The following CNKSR3 variants were observed in gnomAD, a reference collection of about 807,000 sequenced individuals.
CNKSR3 encodes the protein connector enhancer of kinase suppressor of ras 3.
A neutral mutation model predicts 67.7 loss-of-function variants in CNKSR3; 36 were observed. The observed-to-expected ratio is 0.53, with a 90% CI of 0.41 to 0.70. The LOEUF is 0.70. Among genes scored for constraint, CNKSR3 ranks in the 30% least tolerant of loss-of-function variants. CNKSR3 has a pLI of 0.00. For missense variants in CNKSR3, 630 were observed against 695.2 expected (o/e 0.91, Z 1.05); for synonymous variants, 281 against 271.4 (o/e 1.04, Z -0.35).
rs755190146 is a variant in CNKSR3 at position 154,469,915 on chromosome 6, A to C, written c.53-19657T>G. Among the ~76,000 whole-genome samples, 52 of 152,190 alleles carry C rather than the reference A, an allele frequency of 3.4e-4. 1 individual carries two copies. Among genetic ancestry groups the C allele is most frequent in the Middle Eastern group, 3.2e-3 (1 of 316 alleles). On this transcript the variant is annotated intron_variant, in intron 1 of 12. Coordinates refer to ENST00000607772, the MANE Select transcript of CNKSR3 (RefSeq NM_173515.4). ...ATTTATATCTACATATATTTTATGC[A>C]TTCATGACATACCTTTTTCTTAATT... is the stretch of plus-strand genomic sequence containing the variant.
At chr6:154,445,491 G>A (rs765733404) in intron 2 of CNKSR3, among the ~76,000 whole-genome samples, 35 of 152,222 alleles carry the variant, frequency 2.3e-4, no homozygotes, top group Admixed American at 3.9e-4. Flanking sequence ...CCCCTCATTC[G>A]GTCACTCAGC....
At chr6:154,480,059 G>C (rs1214386230) in intron 1 of CNKSR3, among the ~76,000 whole-genome samples, 2 of 152,204 alleles carry the variant, frequency 1.3e-5, no homozygotes, top group Admixed American at 1.3e-4. Context: ...AAACTTTCTC[G>C]TTGTTGGCTG....
chr6:154,428,172 A>T lies in CNKSR3; in HGVS notation c.685T>A (p.Ser229Thr). 1 of 1,609,506 alleles carries T rather than the reference A, an allele frequency of 6.2e-7. No homozygotes were observed. The highest frequency in any genetic ancestry group is 8.5e-7 in the Non-Finnish European group (1 of 1,175,812). The change falls in exon 7 of 13, where the codon TCA (serine) becomes ACA (threonine). Residue 229 changes from serine to threonine, a missense_variant. Around this residue, in one of 3 missense-constraint regions of CNKSR3, gnomAD observed 133 missense variants for 190.6 expected, o/e 0.70. Transcript: ENST00000607772. ...ATCACGTGTAACCCATCATAGGTTG[A>T]TTTGATGTACATGCCCTGGAGTGAA... Reference protein sequence around the residue: ...PGEGLGMYIKSTYDGLHVITG... With the variant: ...PGEGLGMYIKTTYDGLHVITG...
At chr6:154,467,306 T>C (rs1786224660) in intron 1 of CNKSR3, among the ~76,000 whole-genome samples, 1 of 152,150 alleles carries the variant, frequency 6.6e-6, no homozygotes, top group South Asian at 2.1e-4. Context: ...CCTAAAAGAA[T>C]GACACTTTCC....
intron 1 of CNKSR3, among the ~76,000 whole-genome samples, chr6:154,455,372 G>T (rs1431420271): frequency 6.6e-6 from 1 of 152,092 alleles, no homozygotes; most frequent in Non-Finnish European, 1.5e-5. Context: ...AACATTGCTG[G>T]TGTTCAATAA....
Position 154,441,740 on chromosome 6 carries a change from T to TAAAA in CNKSR3, c.419+344_419+347dup, listed in dbSNP as rs763503416. On this transcript the variant is annotated intron_variant, in intron 3 of 12. Transcript: ENST00000607772. ...GAATAGAAAGAGAGAAGGAATAGAT[T>TAAAA]AAAAACAAAACAAAACAAAAATTGA... Among the ~76,000 whole-genome samples, 12 of 149,532 alleles carry TAAAA rather than the reference T, an allele frequency of 8.0e-5. No individual in the cohort carries two copies. The East Asian group carries it at 1.8e-3, about 22-fold the overall frequency.
intron 1 of CNKSR3, among the ~76,000 whole-genome samples, chr6:154,483,656 A>C (rs958995711): frequency 1.3e-5 from 2 of 152,110 alleles, no homozygotes; most frequent in East Asian, 1.9e-4. Flanking sequence ...TTTATTTTTA[A>C]AATACTTTAC....
chr6:154,433,046 T>C (rs190069236), intron 5 of CNKSR3, among the ~76,000 whole-genome samples: 6 of 152,290 alleles, frequency 3.9e-5, no homozygotes, highest in Admixed American at 1.3e-4. Flanking sequence ...GAAGTGATGA[T>C]GAATAGTTAC....
At chr6:154,499,476 G>A (rs1402542963) in intron 1 of CNKSR3, among the ~76,000 whole-genome samples, 1 of 152,238 alleles carries the variant, frequency 6.6e-6, no homozygotes, top group Non-Finnish European at 1.5e-5. Context: ...GTTCCCAGGT[G>A]AGGCTGGTGT....
rs1184403815 is a variant in CNKSR3 at position 154,389,976 on chromosome 6, TAAAC to T, written c.*16374_*16377del. ...TTGCTATTCTCCTTTTATAGAAAAATAAACAAACTCAAGTATGCAGAGTTAAGTT... is the reference window on the plus strand; with the variant it reads ...TTGCTATTCTCCTTTTATAGAAAAATAAACTCAAGTATGCAGAGTTAAGTT... On this transcript the variant is annotated 3_prime_UTR_variant, in exon 13 of 13. Transcript: ENST00000607772. The T allele has an allele frequency of 1.3e-5, 2 of 152,196 alleles. No homozygotes were observed. The highest frequency in any genetic ancestry group is 2.4e-5 in the African/African-American group (1 of 41,444). 9.4% of individuals were successfully genotyped at this position (152,196 alleles called of 1,614,324 possible).
In CNKSR3 at chr6:154,396,796, GTTTTCT is replaced by G. The variant is rs1784664921; in HGVS notation, c.*9552_*9557del. On this transcript the variant is annotated 3_prime_UTR_variant, in exon 13 of 13. Coordinates refer to ENST00000607772, the MANE Select transcript of CNKSR3 (RefSeq NM_173515.4). ...AAGCATCAGCAAAAATTCACTAATT[GTTTTCT>G]TTTTTTTTTTTTTTTGAGACGGAGT... 2 of 146,906 alleles carry G rather than the reference GTTTTCT, an allele frequency of 1.4e-5. No homozygotes were observed. Among genetic ancestry groups the G allele is most frequent in the African/African-American group, 5.0e-5 (2 of 39,850 alleles). 9.1% of individuals were successfully genotyped at this position (146,906 alleles called of 1,614,324 possible).
chr6:154,470,178 ACTTTCTTTC>A lies in CNKSR3; in HGVS notation c.53-19929_53-19921del, dbSNP rs1786293045. Among the ~76,000 whole-genome samples the A allele has an allele frequency of 2.9e-5, 3 of 102,680 alleles. 1 individual carries two copies. Among genetic ancestry groups the A allele is most frequent in the Admixed American group, 1.1e-4 (1 of 9,104 alleles). The allele number at this position is 102,680 out of a possible 152,430, so 67.4% of individuals were successfully genotyped here. ...TCCCAACTCCTGTAATAAAGAACCTACTTTCTTTCCTTTTTTTTTTTTTTTTTTTTTTTT... is the reference window on the plus strand; with the variant it reads ...TCCCAACTCCTGTAATAAAGAACCTACTTTTTTTTTTTTTTTTTTTTTTTT... On this transcript the variant is annotated intron_variant, in intron 1 of 12. Transcript: ENST00000607772.
intron 12 of CNKSR3, among the ~76,000 whole-genome samples, chr6:154,409,065 C>T (rs73011448): frequency 0.027 from 4,071 of 152,254 alleles, 91 homozygotes; most frequent in Non-Finnish European, 0.044. Flanking sequence ...GATACTCACA[C>T]GTTAACTAAG....
chr6:154,388,890 A>G lies in CNKSR3; in HGVS notation c.*17464T>C, dbSNP rs1207337310. 6.6e-6 allele frequency: 1 copy of G among 152,066 alleles called. No homozygotes were observed. The highest frequency in any genetic ancestry group is 1.5e-5 in the Non-Finnish European group (1 of 68,024). The allele number at this position is 152,066 out of a possible 1,614,324, so 9.4% of individuals were successfully genotyped here. A position where few individuals can be genotyped will look rare whatever the true frequency, so the allele number is the denominator to read the frequency against. ...CAACTAGCTTCTTTCATTGCTGTTC[A>G]AGATGCCAGAGCCCATGCTATTCAG... On this transcript the variant is annotated 3_prime_UTR_variant, in exon 13 of 13. Coordinates refer to ENST00000607772, the MANE Select transcript of CNKSR3 (RefSeq NM_173515.4).
intron 7 of CNKSR3, among the ~76,000 whole-genome samples, 189 bp from the exon 8 acceptor site, chr6:154,423,172 C>G (rs1419834617): frequency 6.6e-6 from 1 of 152,232 alleles, no homozygotes; most frequent in East Asian, 1.9e-4. Context: ...CCTGTGTTAT[C>G]TATCTTATTA....
chr6:154,420,027 A>G (rs917307499), intron 9 of CNKSR3, among the ~76,000 whole-genome samples: 1 of 152,134 alleles, frequency 6.6e-6, no homozygotes, highest in Non-Finnish European at 1.5e-5. Context: ...GGTTGCAGTG[A>G]GCCAAGATCA....
intron 9 of CNKSR3, among the ~76,000 whole-genome samples, chr6:154,416,905 A>G (rs1475077619): frequency 6.6e-6 from 1 of 152,118 alleles, no homozygotes; most frequent in Non-Finnish European, 1.5e-5. Flanking sequence ...TCTCACCAGC[A>G]CCTCTTCCCC....
chr6:154,422,032 G>A (rs1033416559), intron 9 of CNKSR3, among the ~76,000 whole-genome samples: 26 of 133,456 alleles, frequency 1.9e-4, no homozygotes, highest in East Asian at 4.3e-4. Flanking sequence ...TCACTCTGTC[G>A]TCCAGGCTGG....
intron 2 of CNKSR3, among the ~76,000 whole-genome samples, chr6:154,445,457 GTAAC>G (rs1487289358): frequency 6.6e-6 from 1 of 152,196 alleles, no homozygotes; most frequent in Non-Finnish European, 1.5e-5. Context: ...TGAAGGACTT[GTAAC>G]TATGATTAAA....
Sources: allele counts gnomAD v4.1 joint callset (sites outside exome capture counted in the v4.1 genomes callset), GRCh38; gene constraint gnomAD v4.1.1; regional missense constraint gnomAD v4.1.1; transcripts MANE v1.5; gene names NCBI Gene and HGNC (gene_info 2026-07-23, HGNC 2026-07-21).